The following CAST variants were observed in gnomAD, a reference collection of about 807,000 sequenced individuals.
CAST encodes MIR583 host.
CAST carries 76 observed loss-of-function variants against 119.6 expected under a neutral mutation model. That is an observed-to-expected ratio of 0.64 (90% CI 0.53 to 0.77). CAST has a LOEUF of 0.77. CAST is among the 30% of genes least tolerant of loss of function. The pLI is 0.00. For missense variants in CAST, 953 were observed against 946.5 expected, an observed-to-expected ratio of 1.01 and a Z score of -0.09; for synonymous variants, 319 against 331.6, an observed-to-expected ratio of 0.96 and a Z score of 0.41.
At chr5:96,186,988 T>A in the CAST span, among the ~76,000 whole-genome samples, 1 of 152,138 alleles carries the variant, frequency 6.6e-6, no homozygotes, top group Non-Finnish European at 1.5e-5. Flanking sequence ...CTGGGCTTCG[T>A]TTTGTTGGTA....
At chr5:96,055,971 T>C in the CAST span, among the ~76,000 whole-genome samples, 1 of 152,136 alleles carries the variant, frequency 6.6e-6, no homozygotes, top group African/African-American at 2.4e-5. Context: ...CCAGTTATGT[T>C]CCTATTTTAA....
chr5:96,168,752 T>C, the CAST span, among the ~76,000 whole-genome samples: 1 of 152,080 alleles, frequency 6.6e-6, no homozygotes, highest in Non-Finnish European at 1.5e-5. Flanking sequence ...GTATCCGGAA[T>C]AATGTGTGAG....
At chr5:96,076,514 A>T in the CAST span, among the ~76,000 whole-genome samples, 1 of 152,198 alleles carries the variant, frequency 6.6e-6, no homozygotes, top group South Asian at 2.1e-4. Context: ...TAAATAAAAA[A>T]CAATGCTTAA....
the CAST span, among the ~76,000 whole-genome samples, chr5:96,040,554 C>T: frequency 6.6e-6 from 1 of 151,996 alleles, no homozygotes; most frequent in African/African-American, 2.4e-5. Flanking sequence ...TCCATCGATA[C>T]CTAGTTTATT....
the CAST span, among the ~76,000 whole-genome samples, chr5:96,068,593 A>ATGTGTGTGTGTGTGTGTG: frequency 2.2e-3 from 306 of 142,252 alleles, 1 homozygote; most frequent in African/African-American, 7.8e-3. Flanking sequence ...CAATAGGATT[A>ATGTGTGTGTGTGTGTGTG]TGTGTGTGTG....
chr5:96,656,222 T>C (rs1353608627), intron 1 of CAST, among the ~76,000 whole-genome samples: 1 of 152,348 alleles, frequency 6.6e-6, no homozygotes, highest in African/African-American at 2.4e-5. Flanking sequence ...ACTGAGAACT[T>C]TACTTAAGAA....
chr5:96,659,898 CT>C (rs1748221670), upstream of CAST, among the ~76,000 whole-genome samples: 1 of 152,186 alleles, frequency 6.6e-6, no homozygotes. Context: ...TAATTCTTCA[CT>C]GGCTACAAGG....
At chr5:96,457,929 A>C in the CAST span, among the ~76,000 whole-genome samples, 1 of 152,152 alleles carries the variant, frequency 6.6e-6, no homozygotes, top group Non-Finnish European at 1.5e-5. Flanking sequence ...CATTCTTTTT[A>C]CATTCCTGAT....
the CAST span, among the ~76,000 whole-genome samples, chr5:96,472,248 T>G: frequency 6.6e-6 from 1 of 152,126 alleles, no homozygotes; most frequent in Admixed American, 6.6e-5. Context: ...TGCCTGAAAA[T>G]CTGATGCTAT....
At chr5:96,511,133 A>C in the CAST span, among the ~76,000 whole-genome samples, 1 of 152,148 alleles carries the variant, frequency 6.6e-6, no homozygotes, top group East Asian at 1.9e-4. Flanking sequence ...ACATACAAAA[A>C]AACAAAGACT....
chr5:96,168,215 A>G, the CAST span, among the ~76,000 whole-genome samples: 6 of 152,312 alleles, frequency 3.9e-5, no homozygotes, highest in African/African-American at 7.2e-5. Flanking sequence ...TAGAAGTTGG[A>G]ACGCTAGCTG....
chr5:96,412,415 T>A, the CAST span: 1 of 1,613,974 alleles, frequency 6.2e-7, no homozygotes, highest in Non-Finnish European at 8.5e-7. Context: ...ACTGTAAATA[T>A]CCACGTGTCC....
chr5:96,163,293 C>T, the CAST span, among the ~76,000 whole-genome samples: 477 of 152,118 alleles, frequency 3.1e-3, 1 homozygote, highest in Non-Finnish European at 3.8e-3. Flanking sequence ...TCTGTCAGTC[C>T]AGCTAAAGTT....
chr5:96,510,627 C>G, the CAST span, among the ~76,000 whole-genome samples: 1 of 152,126 alleles, frequency 6.6e-6, no homozygotes, highest in East Asian at 1.9e-4. Flanking sequence ...AACAAGCCAA[C>G]TGCAGAAAGG....
chr5:96,113,953 T>G, the CAST span, among the ~76,000 whole-genome samples: 47 of 152,218 alleles, frequency 3.1e-4, no homozygotes, highest in Non-Finnish European at 4.3e-4. Context: ...TTCACACTTT[T>G]GTCATCATCA....
chr5:96,640,400 G>A (rs1381259991), intron 1 of CAST, among the ~76,000 whole-genome samples: 1 of 152,182 alleles, frequency 6.6e-6, no homozygotes, highest in East Asian at 1.9e-4. Context: ...AAGAACTTAA[G>A]TCACACACAT....
the CAST span, among the ~76,000 whole-genome samples, chr5:96,437,097 G>A: frequency 6.6e-6 from 1 of 152,146 alleles, no homozygotes; most frequent in African/African-American, 2.4e-5. Flanking sequence ...AATATCTTGA[G>A]GGACATCTTT....
chr5:96,619,301 G>A (rs540427180), intron 1 of CAST, among the ~76,000 whole-genome samples: 34 of 16,798 alleles, frequency 2.0e-3, no homozygotes, highest in Admixed American at 6.4e-3. Context: ...TAAATGCATC[G>A]CATCAATCAG....
At chr5:96,437,503 A>G in the CAST span, among the ~76,000 whole-genome samples, 1 of 152,188 alleles carries the variant, frequency 6.6e-6, no homozygotes, top group Non-Finnish European at 1.5e-5. Context: ...CCATTTTCGT[A>G]TTAAACTCTC....
Sources: gnomAD v4.1 joint callset for allele counts (sites outside exome capture counted in the v4.1 genomes callset) on GRCh38, gnomAD v4.1.1 for gene constraint, MANE v1.5 for transcripts, NCBI Gene and HGNC (gene_info 2026-07-23, HGNC 2026-07-21) for gene names.